WDR7: variants seen among roughly 807,000 people sequenced by gnomAD.
WDR7 encodes the protein WD repeat-containing protein 7.
A neutral mutation model predicts 169.4 loss-of-function variants in WDR7; 46 were observed. The ratio of observed to expected loss-of-function variants is 0.27; its 90% confidence interval spans 0.21 to 0.35. The LOEUF (loss-of-function observed/expected upper bound fraction) is 0.35, where lower values mean the gene tolerates loss of function less well. Among genes scored for constraint, WDR7 ranks in the 10% least tolerant of loss-of-function variants. The probability of loss-of-function intolerance (pLI) is 1.00; values close to 1 mark genes in which losing one functional copy is unlikely to be tolerated. For synonymous variants in WDR7, 612 were observed against 666.8 expected (o/e 0.92, Z 1.27); for missense variants, 1,534 against 1,859.3 (o/e 0.83, Z 3.22).
At chr18:56,821,902 G>A (rs1339437202) in intron 20 of WDR7, among the ~76,000 whole-genome samples, 4 of 152,126 alleles carry the variant, frequency 2.6e-5, no homozygotes, top group Admixed American at 1.3e-4. Context: ...GGGAGGCTGA[G>A]CTGGGAGGAT....
chr18:56,853,786 A>T (rs1314861660), intron 20 of WDR7, among the ~76,000 whole-genome samples: 2 of 152,184 alleles, frequency 1.3e-5, no homozygotes, highest in African/African-American at 4.8e-5. Context: ...TTTTAAGCTT[A>T]AAAAAGGTAT....
intron 27 of WDR7, among the ~76,000 whole-genome samples, chr18:57,023,272 G>A (rs190039983): frequency 6.6e-4 from 101 of 152,260 alleles, no homozygotes; most frequent in African/African-American, 1.9e-3. Flanking sequence ...ATGTTGTTTC[G>A]TTGTAATGAT....
chr18:56,848,243 C>T (rs2045594379), intron 20 of WDR7, among the ~76,000 whole-genome samples: 1 of 152,214 alleles, frequency 6.6e-6, no homozygotes, highest in Admixed American at 6.5e-5. Flanking sequence ...TGCTGGGTTT[C>T]AGACTTGCAT....
intron 26 of WDR7, among the ~76,000 whole-genome samples, chr18:56,975,929 C>G (rs2047558325): frequency 6.6e-6 from 1 of 152,160 alleles, no homozygotes; most frequent in Admixed American, 6.5e-5. Context: ...TTGTTAGTGA[C>G]TGACTTCAGA....
chr18:56,680,215 G>A (rs760645284), intron 3 of WDR7, among the ~76,000 whole-genome samples: 4 of 151,986 alleles, frequency 2.6e-5, no homozygotes, highest in African/African-American at 9.7e-5. Context: ...AAAACTAGCC[G>A]GGCATGATGG....
At chr18:56,942,114 G>A (rs2047042127) in intron 25 of WDR7, among the ~76,000 whole-genome samples, 1 of 152,172 alleles carries the variant, frequency 6.6e-6, no homozygotes, top group South Asian at 2.1e-4. Flanking sequence ...AGAACTCTTG[G>A]TCTAAAGACG....
chr18:56,897,745 T>A (rs567842926), intron 21 of WDR7, among the ~76,000 whole-genome samples: 16 of 152,110 alleles, frequency 1.1e-4, no homozygotes, highest in Admixed American at 5.9e-4. Context: ...GATTCAAGTA[T>A]CTAAAATAGC....
intron 14 of WDR7, among the ~76,000 whole-genome samples, chr18:56,743,363 G>A (rs1302996258): frequency 6.6e-6 from 1 of 152,122 alleles, no homozygotes; most frequent in African/African-American, 2.4e-5. Flanking sequence ...ATCATTCAGA[G>A]CTAGACTCTG....
intron 19 of WDR7, among the ~76,000 whole-genome samples, chr18:56,814,361 A>G (rs10469128): frequency 0.16 from 24,323 of 152,068 alleles, 2,863 homozygotes; most frequent in African/African-American, 0.34. Context: ...GGAGACTCAG[A>G]TATTTCAAAG....
chr18:56,686,760 G>A (rs541821727), intron 6 of WDR7, 95 bp from the exon 7 acceptor site: 170 of 1,050,700 alleles, frequency 1.6e-4, no homozygotes, highest in Middle Eastern at 2.6e-4. Flanking sequence ...CATATGAAGC[G>A]ATGCCTTTAT....
At chr18:56,890,846 G>GT (rs1407405071) in intron 21 of WDR7, 1 of 152,110 alleles carries the variant, frequency 6.6e-6, no homozygotes, top group Non-Finnish European at 1.5e-5. Context: ...AATCATCCTG[G>GT]TTGCAGATGC....
intron 17 of WDR7, among the ~76,000 whole-genome samples, chr18:56,778,220 C>T (rs1425135985): frequency 6.6e-6 from 1 of 152,104 alleles, no homozygotes; most frequent in Non-Finnish European, 1.5e-5. Flanking sequence ...GCTTGTCAGT[C>T]TGTCTCTCTC....
intron 16 of WDR7, among the ~76,000 whole-genome samples, chr18:56,771,036 A>G (rs1484636659): frequency 6.6e-6 from 1 of 152,142 alleles, no homozygotes; most frequent in Non-Finnish European, 1.5e-5. Flanking sequence ...TTTTTCATTT[A>G]TTCCCTACAA....
At chr18:56,672,382 A>T in intron 1 of WDR7, 115 bp from the exon 2 acceptor site, 1 of 730,714 alleles carries the variant, frequency 1.4e-6, no homozygotes, top group Non-Finnish European at 1.9e-6. Context: ...AAGTAGCTGT[A>T]ATTCACTCCC....
At chr18:56,738,127 G>A (rs2026740454) in intron 14 of WDR7, among the ~76,000 whole-genome samples, 1 of 152,140 alleles carries the variant, frequency 6.6e-6, no homozygotes, top group African/African-American at 2.4e-5. Flanking sequence ...GACTGTAAGA[G>A]GGGAAATACA....
At chr18:56,897,563 G>T (rs1282020204) in intron 21 of WDR7, among the ~76,000 whole-genome samples, 1 of 151,964 alleles carries the variant, frequency 6.6e-6, no homozygotes, top group Non-Finnish European at 1.5e-5. Flanking sequence ...TGCTAAGAAA[G>T]GGGGTGAATT....
intron 14 of WDR7, among the ~76,000 whole-genome samples, chr18:56,737,713 C>G (rs1207592584): frequency 6.6e-6 from 1 of 152,126 alleles, no homozygotes; most frequent in Non-Finnish European, 1.5e-5. Context: ...AAAATTCACT[C>G]TAAAAAAATT....
At chr18:56,723,431 G>C (rs1179872424) in intron 13 of WDR7, among the ~76,000 whole-genome samples, 1 of 151,626 alleles carries the variant, frequency 6.6e-6, no homozygotes, top group Non-Finnish European at 1.5e-5. Context: ...GCTTTTGCAT[G>C]TTTGAAAAAA....
chr18:56,930,962 A>G (rs961178672), intron 22 of WDR7, among the ~76,000 whole-genome samples: 2 of 152,204 alleles, frequency 1.3e-5, no homozygotes, highest in Non-Finnish European at 2.9e-5. Context: ...CGATGGAGTG[A>G]GCTTTAGAAC....
Sources: gnomAD v4.1 joint callset for allele counts (sites outside exome capture counted in the v4.1 genomes callset) on GRCh38, gnomAD v4.1.1 for gene constraint, MANE v1.5 for transcripts, NCBI Gene and HGNC (gene_info 2026-07-23, HGNC 2026-07-21) for gene names.